Variants in CHN1 observed in about 807,000 individuals in gnomAD.
The protein encoded by CHN1 is N-chimaerin.
In CHN1, 37 loss-of-function variants were observed where a neutral mutation model predicts 59.5. The observed-to-expected ratio is 0.62, with a 90% CI of 0.48 to 0.82. The LOEUF is 0.82. Ranked by LOEUF, CHN1 falls within the 40% of genes least tolerant of loss-of-function variation. The pLI is 0.00. For missense variants in CHN1, 469 were observed against 571.0 expected (o/e 0.82, Z 1.82); for synonymous variants, 206 against 200.4 (o/e 1.03, Z -0.24).
chr2:174,879,925 G>A (rs937730203), intron 5 of CHN1, among the ~76,000 whole-genome samples: 22 of 152,152 alleles, frequency 1.4e-4, no homozygotes, highest in Non-Finnish European at 2.6e-4. Flanking sequence ...AGGGCATGAA[G>A]GGAAGATGGC....
At chr2:174,898,650 A>T (rs1338932327) in intron 5 of CHN1, among the ~76,000 whole-genome samples, 1 of 152,182 alleles carries the variant, frequency 6.6e-6, no homozygotes, top group Non-Finnish European at 1.5e-5. Context: ...CTTGTAGTCA[A>T]ACCTAATTCC....
intron 1 of CHN1, among the ~76,000 whole-genome samples, chr2:174,995,877 T>C (rs573161719): frequency 6.6e-6 from 1 of 152,302 alleles, no homozygotes; most frequent in African/African-American, 2.4e-5. Context: ...GTGCTTATGT[T>C]CAAATAACCC....
At chr2:174,981,277 TA>T (rs200346787) in intron 1 of CHN1, among the ~76,000 whole-genome samples, 10 of 151,514 alleles carry the variant, frequency 6.6e-5, no homozygotes, top group South Asian at 2.1e-4. Context: ...TGAGATCAGC[TA>T]AAAAAAAATT....
chr2:174,870,078 G>A (rs1385909989), intron 6 of CHN1, among the ~76,000 whole-genome samples: 2 of 152,122 alleles, frequency 1.3e-5, no homozygotes, highest in African/African-American at 4.8e-5. Flanking sequence ...GAATGTAAAC[G>A]AAGCCATCAG....
At chr2:174,956,027 T>G (rs1490142441) in intron 1 of CHN1, among the ~76,000 whole-genome samples, 2 of 152,062 alleles carry the variant, frequency 1.3e-5, no homozygotes, top group African/African-American at 4.8e-5. Context: ...TCCCCATATC[T>G]AAAATAAAAG....
At chr2:174,911,706 C>T (rs957981910) in intron 5 of CHN1, among the ~76,000 whole-genome samples, 3 of 152,216 alleles carry the variant, frequency 2.0e-5, no homozygotes, top group Non-Finnish European at 4.4e-5. Flanking sequence ...ACATACAATA[C>T]ACACTCCCCT....
At chr2:174,932,682 T>C (rs1689385294) in intron 3 of CHN1, among the ~76,000 whole-genome samples, 1 of 152,156 alleles carries the variant, frequency 6.6e-6, no homozygotes, top group East Asian at 1.9e-4. Context: ...GGGGTGGATT[T>C]CCCTCTTTGG....
intron 3 of CHN1, among the ~76,000 whole-genome samples, chr2:174,926,602 T>C (rs946776663): frequency 2.0e-5 from 3 of 152,084 alleles, no homozygotes; most frequent in Non-Finnish European, 4.4e-5. Context: ...CAAATGCATA[T>C]CTGACTGCTT....
At chr2:174,932,340 T>A (rs1335191538) in intron 3 of CHN1, among the ~76,000 whole-genome samples, 2 of 152,218 alleles carry the variant, frequency 1.3e-5, no homozygotes, top group Admixed American at 6.5e-5. Context: ...GATGTTTTTA[T>A]CTGAATGCAA....
intron 1 of CHN1, among the ~76,000 whole-genome samples, chr2:174,955,184 CTATATATATATATATAATTGATATA>C (rs1558996585): frequency 6.0e-5 from 5 of 82,736 alleles, no homozygotes; most frequent in African/African-American, 2.4e-4. Context: ...ATATCTATAT[CTATATATATATATATAATTGATATA>C]TATATATATC....
chr2:174,930,961 G>A (rs936758315), intron 3 of CHN1, among the ~76,000 whole-genome samples: 1 of 151,950 alleles, frequency 6.6e-6, no homozygotes, highest in African/African-American at 2.4e-5. Flanking sequence ...GTAGAGACAG[G>A]GTTTCACTAC....
intron 1 of CHN1, among the ~76,000 whole-genome samples, chr2:174,962,381 C>T (rs1376466724): frequency 6.6e-6 from 1 of 151,996 alleles, no homozygotes; most frequent in East Asian, 1.9e-4. Flanking sequence ...GTTCTTTTGG[C>T]AGAGAACAGC....
At chr2:174,936,372 G>A (rs1689496251) in intron 3 of CHN1, among the ~76,000 whole-genome samples, 2 of 152,140 alleles carry the variant, frequency 1.3e-5, no homozygotes, top group Admixed American at 6.5e-5. Flanking sequence ...TAATATCAGT[G>A]AACAAAAGAT....
At chr2:174,964,517 G>A (rs1690534664) in intron 1 of CHN1, among the ~76,000 whole-genome samples, 1 of 152,204 alleles carries the variant, frequency 6.6e-6, no homozygotes, top group Admixed American at 6.5e-5. Flanking sequence ...GGCTCTAATT[G>A]TTTTAGGTGG....
intron 3 of CHN1, among the ~76,000 whole-genome samples, chr2:174,931,223 T>C (rs1558986557): frequency 6.6e-6 from 1 of 152,202 alleles, no homozygotes; most frequent in Non-Finnish European, 1.5e-5. Flanking sequence ...AGCATTCATA[T>C]AAAATGCTTC....
At chr2:174,898,842 T>TA (rs1361581056) in intron 5 of CHN1, among the ~76,000 whole-genome samples, 4 of 152,178 alleles carry the variant, frequency 2.6e-5, no homozygotes, top group African/African-American at 9.7e-5. Context: ...ACAAAATTAA[T>TA]AAACTAAAAA....
At chr2:174,887,326 TACC>T (rs1049767871) in intron 5 of CHN1, among the ~76,000 whole-genome samples, 72 of 152,310 alleles carry the variant, frequency 4.7e-4, no homozygotes, top group African/African-American at 1.5e-3. Context: ...TAACAATAGT[TACC>T]ACTTGTTGAT....
chr2:174,862,877 C>T (rs1026836014), intron 6 of CHN1, among the ~76,000 whole-genome samples: 2 of 152,172 alleles, frequency 1.3e-5, no homozygotes, highest in Non-Finnish European at 2.9e-5. Context: ...TGAGCTAGCA[C>T]TCTTCCCCAC....
chr2:174,915,180 C>CA lies in CHN1; in HGVS notation c.147-10dup. On this transcript the variant is annotated splice_polypyrimidine_tract_variant and intron_variant, in intron 4 of 12. Coordinates refer to ENST00000409900, the MANE Select transcript of CHN1 (RefSeq NM_001822.7). ...AGATCATGCCATGAAACCTAAGAAA[C>CA]AAAGTCTATTCAGAAACTGTGCTTT... 1 of 1,595,268 alleles carries CA rather than the reference C, an allele frequency of 6.3e-7. No individual in the cohort carries two copies. The highest frequency in any genetic ancestry group is 8.6e-7 in the Non-Finnish European group (1 of 1,167,588).
Sources: gnomAD v4.1 joint callset for allele counts (sites outside exome capture counted in the v4.1 genomes callset) on GRCh38, gnomAD v4.1.1 for gene constraint, MANE v1.5 for transcripts, NCBI Gene and HGNC (gene_info 2026-07-23, HGNC 2026-07-21) for gene names.